Variants in BEST3 observed in about 807,000 individuals in gnomAD.
The protein encoded by BEST3 is bestrophin-3.
A neutral mutation model predicts 47.1 loss-of-function variants in BEST3; 50 were observed. The observed-to-expected ratio is 1.06, with a 90% confidence interval of 0.85 to 1.34. BEST3 has a LOEUF of 1.34. BEST3 is among the 40% of genes most tolerant of loss of function. BEST3 has a pLI of 0.00. For synonymous variants in BEST3, 282 were observed against 298.8 expected, an observed-to-expected ratio of 0.94 and a Z score of 0.58; for missense variants, 765 against 817.0, an observed-to-expected ratio of 0.94 and a Z score of 0.78.
In BEST3 at chr12:69,686,779, C is replaced by CGAAAAAAAAAAAACAA. The variant is rs1555208517; in HGVS notation, c.481+6894_481+6895insTTGTTTTTTTTTTTTC. ...AGAGCAAGATTCTGCCTCAAAAAAA[C>CGAAAAAAAAAAAACAA]AAAAAAAAAAGAAAGAAAAGAAAAA... On this transcript the variant is annotated intron_variant, in intron 4 of 9. Coordinates refer to ENST00000330891, the MANE Select transcript of BEST3 (RefSeq NM_032735.3). Among the ~76,000 whole-genome samples the CGAAAAAAAAAAAACAA allele has an allele frequency of 2.9e-4, 29 of 99,392 alleles. No homozygotes were observed. The South Asian group carries it at 6.5e-3, about 22-fold the overall frequency. 65.2% of individuals were successfully genotyped at this position (99,392 alleles called of 152,430 possible).
chr12:69,698,274 G>A (rs1038615980), intron 1 of BEST3, among the ~76,000 whole-genome samples: 12 of 152,140 alleles, frequency 7.9e-5, no homozygotes, highest in Admixed American at 1.3e-4. Flanking sequence ...TAAGAATGGT[G>A]CAGTTTCCCC....
At position 69,655,789 on chromosome 12, in the gene BEST3, G is replaced by T. The variant is rs367607821; in HGVS notation, c.1125C>A (p.Asp375Glu). ...QMGLSGSDFP[D>E]EEWLWDYEKH... ...TCTCATAATCCCACAGCCACTCCTC[G>T]TCAGGAAAGTCGGACCCAGACAGCC... Residue 375 changes from aspartate (D) to glutamate (E), a missense_variant, in exon 10 of 10, where the codon GAC (aspartate) becomes GAA (glutamate). By Grantham distance (45) the Asp-to-Glu change is conservative. Coordinates refer to ENST00000330891, the MANE Select transcript of BEST3 (RefSeq NM_032735.3). 1.2e-6 allele frequency: 2 copies of T among 1,609,564 alleles called. No homozygotes were observed. Among genetic ancestry groups the T allele is most frequent in the African/African-American group, 1.3e-5 (1 of 74,832 alleles).
chr12:69,655,811 A>C lies in BEST3; in HGVS notation c.1103T>G (p.Leu368Arg), dbSNP rs1415138352. Reference sequence around the variant, plus strand: ...CTCGTCAGGAAAGTCGGACCCAGACAGCCTGAAACACACAATGACAAGATC... The same window carrying C: ...CTCGTCAGGAAAGTCGGACCCAGACCGCCTGAAACACACAATGACAAGATC... ...SFLGSTVQMG[L>R]SGSDFPDEEW... The change falls in exon 10 of 10, where the codon CTG becomes CGG. Residue 368 changes from leucine (L) to arginine (R), a missense_variant and splice_region_variant. Transcript: ENST00000330891. 1.2e-6 allele frequency: 2 copies of C among 1,601,990 alleles called. No homozygotes were observed.
Position 69,679,914 on chromosome 12 carries a change from C to CATGT in BEST3, c.482-1022_482-1021insACAT, listed in dbSNP as rs59652798. On this transcript the variant is annotated intron_variant, in intron 4 of 9. Transcript: ENST00000330891. ...GTGTGTGTGCATGTGTGTATGCATGCGTGTGTGTGTGTGTGTGTGTGTGTA... is the reference window on the plus strand; with the variant it reads ...GTGTGTGTGCATGTGTGTATGCATGCATGTGTGTGTGTGTGTGTGTGTGTGTGTA... Among the ~76,000 whole-genome samples the CATGT allele has an allele frequency of 5.5e-4, 82 of 150,252 alleles. 1 individual carries two copies. The South Asian group carries it at 8.7e-3, about 16-fold the overall frequency.
chr12:69,665,945 C>A (rs555525771), intron 9 of BEST3, among the ~76,000 whole-genome samples: 2 of 152,004 alleles, frequency 1.3e-5, no homozygotes, highest in Non-Finnish European at 2.9e-5. Context: ...CAAGACTGGC[C>A]GTAACTTGAT....
At position 69,677,261 on chromosome 12, in the gene BEST3, A is replaced by G. The variant is rs768172565; in HGVS notation, c.637-4T>C. ...AAGAGCGGTATCGATTCATTTCCTA[A>G]GCCAGAAACAGATCAAGCATGATTT... On this transcript the variant is annotated splice_polypyrimidine_tract_variant and splice_region_variant and intron_variant, in intron 5 of 9. Coordinates refer to ENST00000330891, the MANE Select transcript of BEST3 (RefSeq NM_032735.3). 1 of 1,606,750 alleles carries G rather than the reference A, an allele frequency of 6.2e-7. No individual in the cohort carries two copies. Among genetic ancestry groups the G allele is most frequent in the South Asian group, 1.1e-5 (1 of 89,728 alleles).
intron 4 of BEST3, among the ~76,000 whole-genome samples, chr12:69,691,589 T>C (rs1031613258): frequency 2.0e-5 from 3 of 152,018 alleles, no homozygotes; most frequent in African/African-American, 4.8e-5. Context: ...GGTCAAGAGA[T>C]TGAGACCATC....
rs2135998205 is a variant in BEST3 at position 69,681,504 on chromosome 12, T to G, written c.482-2611A>C. ...CTTATGATGCAGGCCAAATTTTATT[T>G]AAGAGGTAGTGTTTCAGTAAAAAAA... On this transcript the variant is annotated intron_variant, in intron 4 of 9. Coordinates refer to ENST00000330891, the MANE Select transcript of BEST3 (RefSeq NM_032735.3). Among the ~76,000 whole-genome samples, 3 of 152,236 alleles carry G rather than the reference T, an allele frequency of 2.0e-5. 1 individual carries two copies. In the Middle Eastern group the frequency reaches 0.01, roughly 518 times the overall value.
chr12:69,669,812 C>T (rs1052492000), intron 9 of BEST3: 17 of 152,088 alleles, frequency 1.1e-4, no homozygotes, highest in African/African-American at 3.9e-4. Context: ...AGAACATGAA[C>T]ATTTATGTAG....
intron 9 of BEST3, among the ~76,000 whole-genome samples, chr12:69,645,900 A>C (rs1883017045): frequency 6.6e-6 from 1 of 152,082 alleles, no homozygotes; most frequent in African/African-American, 2.4e-5. Flanking sequence ...CCAGGTATAG[A>C]ATCTCCAGAT....
At chr12:69,688,995 A>C in intron 4 of BEST3, 1 of 620,696 alleles carries the variant, frequency 1.6e-6, no homozygotes, top group Non-Finnish European at 2.0e-6. Flanking sequence ...TATGTAGAGA[A>C]TTCAACTGAC....
intron 4 of BEST3, among the ~76,000 whole-genome samples, chr12:69,686,011 G>T (rs1199433774): frequency 6.6e-6 from 1 of 151,948 alleles, no homozygotes; most frequent in Non-Finnish European, 1.5e-5. Flanking sequence ...TGTCTGTTCC[G>T]GGCTCATCAT....
intron 9 of BEST3, among the ~76,000 whole-genome samples, chr12:69,645,631 G>A (rs980100480): frequency 9.2e-5 from 14 of 152,228 alleles, no homozygotes; most frequent in African/African-American, 3.1e-4. Context: ...GGGGACCTGT[G>A]TTCAAATCCC....
rs115531157 is a variant in BEST3 at position 69,670,674 on chromosome 12, G to T, written c.1100+754C>A. The T allele has an allele frequency of 3.6e-4, 214 of 601,272 alleles. 4 individuals are homozygous for T. In the South Asian group the frequency reaches 4.1e-3, roughly 12 times the overall value. The allele number at this position is 601,272 out of a possible 1,614,324, so 37.2% of individuals were successfully genotyped here. On this transcript the variant is annotated intron_variant, in intron 9 of 9. Transcript: ENST00000330891. ...GGACACAAACCCACTGCACAAATCCGCTTACAGCAGGCCTCAGGGAACTAT... is the reference window on the plus strand; with the variant it reads ...GGACACAAACCCACTGCACAAATCCTCTTACAGCAGGCCTCAGGGAACTAT...
chr12:69,677,314 A>T, intron 5 of BEST3, 57 bp from the exon 6 acceptor site: 1 of 1,410,030 alleles, frequency 7.1e-7, no homozygotes. Flanking sequence ...GGTAATAAGT[A>T]CTTACTGGGA....
At chr12:69,685,031 A>ATTCTATTCTATTCTATTC (rs1885494520) in intron 4 of BEST3, among the ~76,000 whole-genome samples, 1 of 150,554 alleles carries the variant, frequency 6.6e-6, no homozygotes, top group Non-Finnish European at 1.5e-5. Flanking sequence ...ATTCTATTCT[A>ATTCTATTCTATTCTATTC]TTCTATTGTT....
chr12:69,651,069 G>A (rs1307594182), downstream of BEST3, among the ~76,000 whole-genome samples: 2 of 151,794 alleles, frequency 1.3e-5, no homozygotes, highest in Non-Finnish European at 2.9e-5. Flanking sequence ...CAACATAGCA[G>A]GACTTGTCTC....
intron 4 of BEST3, among the ~76,000 whole-genome samples, chr12:69,681,339 G>A (rs1053564265): frequency 5.9e-5 from 9 of 152,014 alleles, no homozygotes; most frequent in African/African-American, 1.9e-4. Flanking sequence ...TCCTTTTGCC[G>A]GGTGCAGTGG....
chr12:69,644,262 T>A (rs541193591), intron 9 of BEST3, among the ~76,000 whole-genome samples: 1 of 152,348 alleles, frequency 6.6e-6, no homozygotes, highest in Admixed American at 6.5e-5. Flanking sequence ...ATACAGTAGT[T>A]TATTTCCCCA....
Sources: allele counts gnomAD v4.1 joint callset (sites outside exome capture counted in the v4.1 genomes callset), GRCh38; gene constraint gnomAD v4.1.1; transcripts MANE v1.5; gene names NCBI Gene and HGNC (gene_info 2026-07-23, HGNC 2026-07-21).